The following GRIA2 variants were observed in gnomAD, a reference collection of about 807,000 sequenced individuals.
GRIA2 encodes glutamate receptor 2.
A neutral mutation model predicts 97.3 loss-of-function variants in GRIA2; 14 were observed. The observed-to-expected ratio is 0.14, with a 90% CI of 0.10 to 0.23. GRIA2 has a LOEUF of 0.23. GRIA2 is among the 10% of genes least tolerant of loss of function. The pLI is 1.00. For missense variants in GRIA2, 558 were observed against 1,069.8 expected (o/e 0.52, Z 6.67); for synonymous variants, 412 against 387.8 (o/e 1.06, Z -0.73).
At chr4:157,297,855 C>A (rs1733421441) in intron 2 of GRIA2, among the ~76,000 whole-genome samples, 1 of 151,048 alleles carries the variant, frequency 6.6e-6, no homozygotes, top group South Asian at 2.1e-4. Context: ...AAAATTATAC[C>A]AACAGGGAAA....
At chr4:157,259,833 A>C (rs1472101381) in intron 2 of GRIA2, among the ~76,000 whole-genome samples, 4 of 152,114 alleles carry the variant, frequency 2.6e-5, no homozygotes, top group Non-Finnish European at 1.5e-5. Flanking sequence ...CTGCCAGGTA[A>C]CACCATTACA....
intron 2 of GRIA2, among the ~76,000 whole-genome samples, chr4:157,249,117 G>C (rs945910365): frequency 1.3e-5 from 2 of 152,086 alleles, no homozygotes; most frequent in African/African-American, 4.8e-5. Flanking sequence ...TTAAAGGCAT[G>C]AGCCATCACG....
intron 2 of GRIA2, among the ~76,000 whole-genome samples, chr4:157,278,106 T>G (rs142208241): frequency 6.6e-6 from 1 of 151,502 alleles, no homozygotes; most frequent in Non-Finnish European, 1.5e-5. Context: ...TGTGTAGGTA[T>G]TAACAAACTT....
intron 12 of GRIA2, among the ~76,000 whole-genome samples, chr4:157,346,440 A>C (rs1735769137): frequency 6.6e-6 from 1 of 152,068 alleles, no homozygotes; most frequent in African/African-American, 2.4e-5. Context: ...AATTGCCTCT[A>C]TTGCCTATTC....
intron 2 of GRIA2, among the ~76,000 whole-genome samples, chr4:157,255,246 A>G (rs1731187629): frequency 6.7e-6 from 1 of 149,232 alleles, no homozygotes; most frequent in Admixed American, 6.7e-5. Flanking sequence ...ACACGATTTC[A>G]TTCTTTTTAT....
At chr4:157,258,580 G>A (rs185461535) in intron 2 of GRIA2, among the ~76,000 whole-genome samples, 6 of 152,016 alleles carry the variant, frequency 3.9e-5, no homozygotes, top group Admixed American at 1.3e-4. Flanking sequence ...CTGTCATCTC[G>A]CCCTGCCTCC....
intron 15 of GRIA2, 97 bp from the exon 16 acceptor site, chr4:157,363,338 T>G: frequency 2.6e-6 from 2 of 775,658 alleles, no homozygotes; most frequent in Non-Finnish European, 3.5e-6. Context: ...CAGATAGAAG[T>G]AAACTTTTCA....
At chr4:157,297,469 C>T (rs1733400801) in intron 2 of GRIA2, among the ~76,000 whole-genome samples, 1 of 152,090 alleles carries the variant, frequency 6.6e-6, no homozygotes, top group Non-Finnish European at 1.5e-5. Context: ...CTCTTTTCAG[C>T]TTATGTTTAC....
chr4:157,321,696 A>G (rs1579361462), intron 6 of GRIA2, 97 bp downstream of exon 6: 1 of 768,528 alleles, frequency 1.3e-6, no homozygotes, highest in East Asian at 2.6e-5. Context: ...TAAAGGGAGT[A>G]GAGAGCACGT....
intron 2 of GRIA2, among the ~76,000 whole-genome samples, chr4:157,283,267 G>A (rs1325361899): frequency 2.6e-5 from 4 of 151,926 alleles, no homozygotes; most frequent in Non-Finnish European, 5.9e-5. Flanking sequence ...AATAAAGTTT[G>A]AGATTGTCGG....
intron 2 of GRIA2, among the ~76,000 whole-genome samples, chr4:157,260,848 C>A (rs1731499153): frequency 6.6e-6 from 1 of 151,786 alleles, no homozygotes; most frequent in South Asian, 2.1e-4. Context: ...TTCTTCCCTT[C>A]TTCTCCCTTT....
intron 2 of GRIA2, among the ~76,000 whole-genome samples, chr4:157,270,852 T>A (rs1284828329): frequency 6.6e-6 from 1 of 151,698 alleles, no homozygotes. Flanking sequence ...AAGTTGAATG[T>A]GTGGGGAATA....
At chr4:157,310,393 T>G (rs1167981556) in intron 3 of GRIA2, among the ~76,000 whole-genome samples, 1 of 152,084 alleles carries the variant, frequency 6.6e-6, no homozygotes, top group Admixed American at 6.5e-5. Flanking sequence ...CATTCTGAAA[T>G]AAAAATAAAT....
At chr4:157,299,664 A>T (rs1420058823) in intron 2 of GRIA2, among the ~76,000 whole-genome samples, 3 of 152,146 alleles carry the variant, frequency 2.0e-5, no homozygotes, top group Admixed American at 2.0e-4. Context: ...GGCTTATATC[A>T]TCTGGGCTTG....
intron 2 of GRIA2, among the ~76,000 whole-genome samples, chr4:157,240,094 T>A (rs17035895): frequency 4.6e-5 from 7 of 152,142 alleles, no homozygotes; most frequent in Non-Finnish European, 1.0e-4. Flanking sequence ...ATTTTCTTTA[T>A]TACTTACAAT....
At chr4:157,282,800 A>G (rs1006457676) in intron 2 of GRIA2, among the ~76,000 whole-genome samples, 1 of 152,092 alleles carries the variant, frequency 6.6e-6, no homozygotes, top group East Asian at 1.9e-4. Context: ...ATTTCTGGCA[A>G]TGTTTACCAA....
chr4:157,273,679 A>G (rs1170944262), intron 2 of GRIA2, among the ~76,000 whole-genome samples: 1 of 152,058 alleles, frequency 6.6e-6, no homozygotes, highest in South Asian at 2.1e-4. Flanking sequence ...TTTCAAAACT[A>G]AAAAACAGAG....
chr4:157,365,538 C>T lies in GRIA2; in HGVS notation c.*2107C>T, dbSNP rs1239170958. The T allele has an allele frequency of 6.6e-6, 1 of 151,888 alleles. No homozygotes were observed. The highest frequency in any genetic ancestry group is 1.5e-5 in the Non-Finnish European group (1 of 67,600). The allele number at this position is 151,888 out of a possible 1,614,324, so 9.4% of individuals were successfully genotyped here. A position where few individuals can be genotyped will look rare whatever the true frequency, so the allele number is the denominator to read the frequency against. On this transcript the variant is annotated 3_prime_UTR_variant, in exon 16 of 16. Coordinates refer to ENST00000264426, the MANE Select transcript of GRIA2 (RefSeq NM_001083619.3). The stretch of plus-strand genomic sequence containing the variant: ...TTGAAATAATGTAAAGTTATATTTT[C>T]ATGTTTTTATAGATACAACATGACA...
chr4:157,246,163 A>G (rs754216373), intron 2 of GRIA2, among the ~76,000 whole-genome samples: 2 of 152,114 alleles, frequency 1.3e-5, no homozygotes, highest in Non-Finnish European at 2.9e-5. Flanking sequence ...TATGGATGAC[A>G]TACATTCAAT....
Sources: allele counts gnomAD v4.1 joint callset (sites outside exome capture counted in the v4.1 genomes callset), GRCh38; gene constraint gnomAD v4.1.1; transcripts MANE v1.5; gene names NCBI Gene and HGNC (gene_info 2026-07-23, HGNC 2026-07-21).